KANK1: variants seen among roughly 807,000 people sequenced by gnomAD.
KANK1 encodes the protein KN motif and ankyrin repeat domains 1.
In KANK1, 109 loss-of-function variants were observed where a neutral mutation model predicts 106.2. That is an observed-to-expected ratio of 1.03 (90% CI 0.88 to 1.20). The LOEUF is 1.20. KANK1 is among the 50% of genes most tolerant of loss of function. KANK1 has a pLI of 0.00. For missense variants in KANK1, 2,399 were observed against 1,710.7 expected (o/e 1.40, Z -7.10); for synonymous variants, 873 against 652.2 (o/e 1.34, Z -5.16).
chr9:738,576 T>A, intron 8 of KANK1, 72 bp downstream of exon 8: 1 of 1,187,562 alleles, frequency 8.4e-7, no homozygotes, highest in Non-Finnish European at 1.3e-6. Context: ...GAGAACCTGG[T>A]TGAGCCACTC....
intron 1 of KANK1, among the ~76,000 whole-genome samples, chr9:523,174 C>T (rs2059627037): frequency 6.6e-6 from 1 of 151,574 alleles, no homozygotes; most frequent in African/African-American, 2.4e-5. Context: ...TATCTACACC[C>T]GAGTGTGTGG....
In KANK1 at chr9:564,456, G is replaced by A. The variant is rs954457489; in HGVS notation, c.-84+59702G>A. On this transcript the variant is annotated intron_variant, in intron 1 of 11. Coordinates refer to ENST00000382297, the MANE Select transcript of KANK1 (RefSeq NM_015158.5). ...AACAATCTGAACATGTGTCCTCAAC[G>A]TAGACACCTAGTTATAAATTATATA... Among the ~76,000 whole-genome samples the A allele has an allele frequency of 3.3e-5, 5 of 152,220 alleles. No homozygotes were observed. In the South Asian group the frequency reaches 6.2e-4, roughly 19 times the overall value.
At chr9:730,372 G>A in intron 4 of KANK1, 124 bp downstream of exon 4, 2 of 1,017,168 alleles carry the variant, frequency 2.0e-6, no homozygotes, top group East Asian at 2.6e-5. Context: ...TTATTTGGAA[G>A]GTAGGCCCAG....
intron 1 of KANK1, among the ~76,000 whole-genome samples, chr9:675,232 TA>T (rs1359040075): frequency 6.6e-6 from 1 of 152,196 alleles, no homozygotes; most frequent in Non-Finnish European, 1.5e-5. Flanking sequence ...TTTGCCTTAT[TA>T]AAAACTTATA....
rs981753900 is a variant in KANK1 at position 735,346 on chromosome 9, C to T, written c.3333+511C>T. Among the ~76,000 whole-genome samples the T allele has an allele frequency of 3.9e-5, 6 of 152,140 alleles. No individual in the cohort carries two copies. In the East Asian group the frequency reaches 5.8e-4, roughly 15 times the overall value. On this transcript the variant is annotated intron_variant, in intron 7 of 11. Coordinates refer to ENST00000382297, the MANE Select transcript of KANK1 (RefSeq NM_015158.5). Reference sequence around the variant, plus strand: ...ATAAAAATAACCGCACTTGTCATCTCGCAGTCTAAGAAATTCAGAGCAAAC... The same window carrying T: ...ATAAAAATAACCGCACTTGTCATCTTGCAGTCTAAGAAATTCAGAGCAAAC...
chr9:655,604 G>C (rs1042876542), intron 1 of KANK1, among the ~76,000 whole-genome samples: 1 of 152,306 alleles, frequency 6.6e-6, no homozygotes, highest in African/African-American at 2.4e-5. Context: ...AAGTCAGGCA[G>C]ATGCTGCTAA....
intron 1 of KANK1, among the ~76,000 whole-genome samples, chr9:608,289 G>A (rs146098574): frequency 0.026 from 3,914 of 151,140 alleles, 268 homozygotes; most frequent in African/African-American, 0.091. Context: ...CACCCGCCTC[G>A]GCCTCCCAAA....
intron 2 of KANK1, among the ~76,000 whole-genome samples, chr9:690,146 A>G (rs994829657): frequency 6.7e-6 from 1 of 149,046 alleles, no homozygotes; most frequent in South Asian, 2.1e-4. Flanking sequence ...AAAAAAAAAA[A>G]AAAAAAAAAA....
intron 4 of KANK1, 191 bp from the exon 5 acceptor site, chr9:730,967 A>T: frequency 2.5e-6 from 1 of 396,662 alleles, no homozygotes; most frequent in Non-Finnish European, 4.6e-6. Flanking sequence ...CATGTGAAGA[A>T]TGTTATTAAT....
chr9:695,692 G>C (rs1445474057), intron 2 of KANK1, among the ~76,000 whole-genome samples: 1 of 152,136 alleles, frequency 6.6e-6, no homozygotes, highest in East Asian at 1.9e-4. Flanking sequence ...AGACAACAGA[G>C]GGTGATCCAG....
intron 1 of KANK1, among the ~76,000 whole-genome samples, chr9:672,946 C>G (rs1467377953): frequency 6.6e-6 from 1 of 152,136 alleles, no homozygotes; most frequent in African/African-American, 2.4e-5. Context: ...TTAAGATTTA[C>G]TGGTTTGCAC....
At position 524,939 on chromosome 9, in the gene KANK1, A is replaced by G. The variant is rs541044598; in HGVS notation, c.-84+20185A>G. Among the ~76,000 whole-genome samples the G allele has an allele frequency of 9.4e-5, 12 of 128,216 alleles. 2 individuals are homozygous for G. The highest frequency in any genetic ancestry group is 2.7e-4 in the African/African-American group (9 of 33,270). The allele number at this position is 128,216 out of a possible 152,430, so 84.1% of individuals were successfully genotyped here. A position where few individuals can be genotyped will look rare whatever the true frequency, so the allele number is the denominator to read the frequency against. On this transcript the variant is annotated intron_variant, in intron 1 of 11. Transcript: ENST00000382297. ...ACATGCTTGTAAACTACTATTGTCT[A>G]TTGCTTTATTGCTTTGGTTAGTCAA...
intron 1 of KANK1, among the ~76,000 whole-genome samples, chr9:665,772 C>G (rs1242119703): frequency 2.6e-5 from 4 of 152,122 alleles, no homozygotes; most frequent in Admixed American, 6.5e-5. Context: ...TAACAATATT[C>G]TTTCAATCCA....
At chr9:567,503 G>T (rs148013215) in intron 1 of KANK1, among the ~76,000 whole-genome samples, 8 of 152,206 alleles carry the variant, frequency 5.3e-5, no homozygotes, top group Non-Finnish European at 1.2e-4. Flanking sequence ...AGGACAACTT[G>T]GAGGTTAGAA....
chr9:548,198 T>G (rs1416393877), intron 1 of KANK1, among the ~76,000 whole-genome samples: 1 of 152,242 alleles, frequency 6.6e-6, no homozygotes, highest in Non-Finnish European at 1.5e-5. Context: ...AAGATAATTC[T>G]TAAACCTTAG....
chr9:675,668 T>G (rs149898926), intron 1 of KANK1, among the ~76,000 whole-genome samples: 122 of 152,258 alleles, frequency 8.0e-4, no homozygotes, highest in African/African-American at 2.6e-3. Flanking sequence ...TATCATTTTG[T>G]TACTGGAAAG....
intron 1 of KANK1, among the ~76,000 whole-genome samples, chr9:632,973 C>A (rs575543852): frequency 1.3e-5 from 2 of 151,984 alleles, no homozygotes; most frequent in Non-Finnish European, 2.9e-5. Context: ...GGATTACAGG[C>A]GTGAGCCACT....
At chr9:597,939 A>G (rs1826637763) in intron 1 of KANK1, among the ~76,000 whole-genome samples, 1 of 151,834 alleles carries the variant, frequency 6.6e-6, no homozygotes, top group African/African-American at 2.4e-5. Flanking sequence ...TGCTGGGATT[A>G]CAGGTGTGAG....
At chr9:680,507 C>T (rs143604385) in intron 2 of KANK1, among the ~76,000 whole-genome samples, 50 of 152,298 alleles carry the variant, frequency 3.3e-4, no homozygotes, top group African/African-American at 1.2e-3. Flanking sequence ...AGTTATATAA[C>T]AAGCACCTTT....
Sources: gnomAD v4.1 joint callset for allele counts (sites outside exome capture counted in the v4.1 genomes callset) on GRCh38, gnomAD v4.1.1 for gene constraint, MANE v1.5 for transcripts, NCBI Gene and HGNC (gene_info 2026-07-23, HGNC 2026-07-21) for gene names.